Variants in NPAS2 observed in about 807,000 individuals in gnomAD.
NPAS2 encodes the protein neuronal PAS domain protein 2.
In NPAS2, 23 loss-of-function variants were observed where a neutral mutation model predicts 107.5. That is an observed-to-expected ratio of 0.21 (90% CI 0.15 to 0.30). NPAS2 has a LOEUF of 0.30. NPAS2 is among the 10% of genes least tolerant of loss of function. The probability of loss-of-function intolerance (pLI) is 1.00; values close to 1 mark genes in which losing one functional copy is unlikely to be tolerated. For missense variants in NPAS2, 756 were observed against 1,043.3 expected (o/e 0.72, Z 3.79); for synonymous variants, 403 against 417.5 (o/e 0.97, Z 0.42).
At chr2:100,926,002 C>T (rs1048935421) in intron 3 of NPAS2, among the ~76,000 whole-genome samples, 2 of 152,120 alleles carry the variant, frequency 1.3e-5, no homozygotes, top group African/African-American at 4.8e-5. Context: ...CCATCAATTC[C>T]CCTATTCTAG....
At chr2:100,821,168 C>T in intron 1 of NPAS2, 2 of 1,304,686 alleles carry the variant, frequency 1.5e-6, no homozygotes, top group Non-Finnish European at 2.0e-6. Context: ...ACCAGTCCCG[C>T]TCCTCTGCTT....
At position 100,855,871 on chromosome 2, in the gene NPAS2, G is replaced by A. The variant is rs148962131; in HGVS notation, c.-23+35457G>A. The stretch of plus-strand genomic sequence containing the variant: ...TCCCCAAAACTCTTGGAGGAAAAGT[G>A]CACAATGCCTAGTACAGAGGGTCTC... On this transcript the variant is annotated intron_variant, in intron 1 of 20. Coordinates refer to ENST00000335681, the MANE Select transcript of NPAS2 (RefSeq NM_002518.4). Among the ~76,000 whole-genome samples, 356 of 152,274 alleles carry A rather than the reference G, an allele frequency of 2.3e-3. 3 individuals carry two copies. The highest frequency in any genetic ancestry group is 4.3e-3 in the Non-Finnish European group (293 of 68,020).
At chr2:100,991,202 CT>C (rs1262663552) in intron 19 of NPAS2, among the ~76,000 whole-genome samples, 1 of 152,196 alleles carries the variant, frequency 6.6e-6, no homozygotes, top group Non-Finnish European at 1.5e-5. Flanking sequence ...CCCAAGGACC[CT>C]CCCCCAGGCT....
intron 2 of NPAS2, among the ~76,000 whole-genome samples, chr2:100,912,845 G>C (rs1444301687): frequency 2.0e-5 from 3 of 152,228 alleles, no homozygotes; most frequent in Admixed American, 1.3e-4. Flanking sequence ...TCAAGGGAAG[G>C]AGAATTAGAA....
chr2:100,922,313 CT>C (rs1683276749), intron 2 of NPAS2, among the ~76,000 whole-genome samples: 1 of 152,128 alleles, frequency 6.6e-6, no homozygotes, highest in South Asian at 2.1e-4. Flanking sequence ...GGCATGGTGG[CT>C]CATGCCTGTA....
rs75005859 is a variant in NPAS2 at position 100,971,393 on chromosome 2, T to C, written c.1140+319T>C. 6.9e-3 allele frequency among the ~76,000 whole-genome samples: 1,046 copies of C among 151,274 alleles called. 13 individuals carry two copies. Among genetic ancestry groups the C allele is most frequent in the African/African-American group, 0.024 (1,006 of 41,198 alleles). On this transcript the variant is annotated intron_variant, in intron 12 of 20. Coordinates refer to ENST00000335681, the MANE Select transcript of NPAS2 (RefSeq NM_002518.4). ...CGGCGACTTTCCAGCCTTACAAGCATGTCTCCAGTGAGTCCACTCGGCATC... is the reference window on the plus strand; with the variant it reads ...CGGCGACTTTCCAGCCTTACAAGCACGTCTCCAGTGAGTCCACTCGGCATC...
intron 2 of NPAS2, among the ~76,000 whole-genome samples, chr2:100,910,523 C>CTTTT (rs5832943): frequency 1.4e-5 from 2 of 138,418 alleles, no homozygotes; most frequent in East Asian, 2.1e-4. Flanking sequence ...ATGACATCTT[C>CTTTT]TTTTTTTTTT....
intron 1 of NPAS2, among the ~76,000 whole-genome samples, chr2:100,848,751 G>A (rs911388827): frequency 6.6e-5 from 10 of 152,210 alleles, no homozygotes; most frequent in African/African-American, 2.2e-4. Flanking sequence ...ATCTGTAGCT[G>A]GAAATTAGTT....
intron 2 of NPAS2, among the ~76,000 whole-genome samples, chr2:100,922,483 T>C (rs1683291822): frequency 6.6e-6 from 1 of 152,114 alleles, no homozygotes; most frequent in Admixed American, 6.5e-5. Context: ...CTTGGGACGC[T>C]GAGGCAGGAG....
At chr2:100,857,080 C>T (rs945855537) in intron 1 of NPAS2, among the ~76,000 whole-genome samples, 33 of 152,086 alleles carry the variant, frequency 2.2e-4, no homozygotes, top group East Asian at 1.9e-4. Flanking sequence ...CCGAGGTGGG[C>T]GGATCACCTG....
chr2:100,991,261 C>G lies in NPAS2; in HGVS notation c.2111+389C>G, dbSNP rs111773144. 3.4e-3 allele frequency among the ~76,000 whole-genome samples: 521 copies of G among 152,256 alleles called. 5 individuals are homozygous for G. Among genetic ancestry groups the G allele is most frequent in the African/African-American group, 0.012 (506 of 41,542 alleles). ...ACTTGGTGCTCCGTGCTTCTGGCAC[C>G]GTGCTCGGGCCCGTCTCTCCCAGAC... On this transcript the variant is annotated intron_variant, in intron 19 of 20. Transcript: ENST00000335681.
chr2:100,861,885 A>G (rs986842349), intron 1 of NPAS2, among the ~76,000 whole-genome samples: 3 of 152,168 alleles, frequency 2.0e-5, no homozygotes, highest in Non-Finnish European at 4.4e-5. Context: ...GCACCATCCT[A>G]TGACTACCAA....
intron 4 of NPAS2, among the ~76,000 whole-genome samples, chr2:100,936,811 G>A (rs1260277732): frequency 6.6e-6 from 1 of 151,692 alleles, no homozygotes; most frequent in Non-Finnish European, 1.5e-5. Context: ...GTGAAACCCT[G>A]TCTCTACTAA....
At chr2:100,919,686 C>T (rs1306276666) in intron 2 of NPAS2, among the ~76,000 whole-genome samples, 2 of 152,166 alleles carry the variant, frequency 1.3e-5, no homozygotes, top group African/African-American at 4.8e-5. Context: ...ACGACTGCGC[C>T]GTCGGTCTCC....
intron 3 of NPAS2, among the ~76,000 whole-genome samples, chr2:100,930,134 G>A (rs1683841871): frequency 6.6e-6 from 1 of 152,172 alleles, no homozygotes; most frequent in African/African-American, 2.4e-5. Flanking sequence ...ATGTTCTAGT[G>A]GGTCAGGCTG....
At chr2:100,981,163 C>T (rs920754016) in intron 15 of NPAS2, among the ~76,000 whole-genome samples, 8 of 152,150 alleles carry the variant, frequency 5.3e-5, no homozygotes, top group African/African-American at 1.9e-4. Context: ...CTCCTGCTCT[C>T]CTTGCCTCCC....
At chr2:100,959,089 C>CAAAA (rs758460503) in intron 7 of NPAS2, among the ~76,000 whole-genome samples, 9 of 47,686 alleles carry the variant, frequency 1.9e-4, no homozygotes, top group East Asian at 4.8e-4. Context: ...CCCATCTCTT[C>CAAAA]AAAAAAAAAA....
chr2:100,889,124 T>C lies in NPAS2; in HGVS notation c.-22-15609T>C, dbSNP rs147522260. On this transcript the variant is annotated intron_variant, in intron 1 of 20. Transcript: ENST00000335681. ...TAGTCCTGCTGAGGCAAAACCCAGA[T>C]GACCTAGAGATGACATAAAAGTCAG... Among the ~76,000 whole-genome samples, 79 of 152,352 alleles carry C rather than the reference T, an allele frequency of 5.2e-4. 1 individual carries two copies. In the East Asian group the frequency reaches 0.014, roughly 26 times the overall value.
At position 100,964,870 on chromosome 2, in the gene NPAS2, A is replaced by G. The variant is rs1244478053; in HGVS notation, c.727A>G (p.Ile243Val). 3 of 1,574,896 alleles carry G rather than the reference A, an allele frequency of 1.9e-6. No homozygotes were observed. Among genetic ancestry groups the G allele is most frequent in the Non-Finnish European group, 2.6e-6 (3 of 1,168,728 alleles). The change falls in exon 9 of 21, where the codon ATA becomes GTA. Residue 243 changes from isoleucine (I) to valine (V), a missense_variant. Coordinates refer to ENST00000335681, the MANE Select transcript of NPAS2 (RefSeq NM_002518.4). ...TCTGCTTCCAATACAGGAAATGTGC[A>G]TAGTTGACGAACCTTTAGAGGAATT... ...ATPQFLKEMC[I>V]VDEPLEEFTS...
Sources: gnomAD v4.1 joint callset for allele counts (sites outside exome capture counted in the v4.1 genomes callset) on GRCh38, gnomAD v4.1.1 for gene constraint, MANE v1.5 for transcripts, NCBI Gene and HGNC (gene_info 2026-07-23, HGNC 2026-07-21) for gene names.